CENPC: variants seen among roughly 807,000 people sequenced by gnomAD.
CENPC encodes CENP-C 1.
A neutral mutation model predicts 112.1 loss-of-function variants in CENPC; 63 were observed. That is an observed-to-expected ratio of 0.56 (90% CI 0.46 to 0.69). The LOEUF (loss-of-function observed/expected upper bound fraction) is 0.69, where lower values mean the gene tolerates loss of function less well. CENPC is among the 30% of genes least tolerant of loss of function. The pLI is 0.00. For missense variants in CENPC, 1,000 were observed against 1,103.8 expected, an observed-to-expected ratio of 0.91 and a Z score of 1.33; for synonymous variants, 333 against 367.6, an observed-to-expected ratio of 0.91 and a Z score of 1.08.
chr4:67,478,868 A>G (rs9993909), intron 17 of CENPC, among the ~76,000 whole-genome samples: 95,024 of 152,046 alleles, frequency 0.62, 29,932 homozygotes, highest in East Asian at 0.81. Context: ...AGGGTAAAGA[A>G]GTAGTAAAAG....
At position 67,545,343 on chromosome 4, in the gene CENPC, C is replaced by A. The variant is rs937199989; in HGVS notation, c.13G>T (p.Gly5Cys). Residue 5 changes from glycine (G) to cysteine (C), a missense_variant, in exon 1 of 19, where the codon GGT (glycine) becomes TGT (cysteine). Physicochemically the swap from Gly to Cys is radical, Grantham distance 159 (BLOSUM62 -3). Coordinates refer to ENST00000273853, the MANE Select transcript of CENPC (RefSeq NM_001812.4). ...AGCGGGGGGCCTGCACTTACCAGAC[C>A]GGACGCAGCCATGTTCCGGCCCCGC... Reference protein sequence around the residue: MAASGLDHLKNGYRR... With the variant: MAASCLDHLKNGYRR... 1 of 1,522,496 alleles carries A rather than the reference C, an allele frequency of 6.6e-7. No individual in the cohort carries two copies. Among genetic ancestry groups the A allele is most frequent in the South Asian group, 1.2e-5 (1 of 81,736 alleles). 94.3% of individuals were successfully genotyped at this position (1,522,496 alleles called of 1,614,324 possible).
At chr4:67,475,815 T>C (rs6823755) in intron 17 of CENPC, among the ~76,000 whole-genome samples, 94,974 of 151,966 alleles carry the variant, frequency 0.62, 29,911 homozygotes, top group East Asian at 0.81. Context: ...GGTCTCGATC[T>C]CCTGACCTGG....
At chr4:67,507,846 C>T (rs993908059) in intron 10 of CENPC, among the ~76,000 whole-genome samples, 2 of 151,964 alleles carry the variant, frequency 1.3e-5, no homozygotes, top group Non-Finnish European at 1.5e-5. Flanking sequence ...TCCAGCAACA[C>T]AATAAAATAA....
Position 67,470,220 on chromosome 4 carries a change from C to T in CENPC, c.*2385G>A, listed in dbSNP as rs142155721. The T allele has an allele frequency of 6.6e-5, 10 of 152,246 alleles. No homozygotes were observed. Among genetic ancestry groups the T allele is most frequent in the Admixed American group, 3.3e-4 (5 of 15,270 alleles). 9.4% of individuals were successfully genotyped at this position (152,246 alleles called of 1,614,324 possible). A position where few individuals can be genotyped will look rare whatever the true frequency, so the allele number is the denominator to read the frequency against. ...TGGCAAAAATCAGACGTGGCTCTGA[C>T]CAAGCAGAATGGAGAGCCTTTGCTG... On this transcript the variant is annotated 3_prime_UTR_variant, in exon 19 of 19. Transcript: ENST00000273853.
chr4:67,539,493 A>C (rs1726821386), intron 4 of CENPC, among the ~76,000 whole-genome samples: 1 of 152,182 alleles, frequency 6.6e-6, no homozygotes, highest in South Asian at 2.1e-4. Flanking sequence ...TCCCCGTATA[A>C]CAATGAAGTG....
At chr4:67,505,005 T>G (rs1725694788) in intron 12 of CENPC, 200 bp downstream of exon 12, 1 of 551,868 alleles carries the variant, frequency 1.8e-6, no homozygotes, top group Non-Finnish European at 3.2e-6. Flanking sequence ...TATTTCATTA[T>G]GTTCTACTTA....
chr4:67,491,549 G>C (rs568949302), intron 16 of CENPC, among the ~76,000 whole-genome samples: 17 of 120,706 alleles, frequency 1.4e-4, no homozygotes, highest in Non-Finnish European at 2.4e-4. Flanking sequence ...AAACAGTTGC[G>C]TAATCCATAA....
rs1464385934 is a variant in CENPC at position 67,518,302 on chromosome 4, C to G, written c.684G>C (p.Glu228Asp). 3 of 1,550,820 alleles carry G rather than the reference C, an allele frequency of 1.9e-6. No individual in the cohort carries two copies. The African/African-American group carries it at 4.1e-5, about 21-fold the overall frequency. Residue 228 changes from glutamate (E) to aspartate (D), a missense_variant, in exon 7 of 19, where the codon GAG becomes GAC. Coordinates refer to ENST00000273853, the MANE Select transcript of CENPC (RefSeq NM_001812.4). ...IEIDNKVSDE[E>D]DKTSEGQERK... ...TTTCTTGTCCTTCCGATGTTTTATC[C>G]TCTTCATCTGATACTTTATTATCTA...
intron 12 of CENPC, among the ~76,000 whole-genome samples, chr4:67,496,636 A>G (rs148037327): frequency 3.3e-5 from 5 of 152,326 alleles, no homozygotes; most frequent in Admixed American, 2.6e-4. Flanking sequence ...TTCAGTGATC[A>G]TAACATCTAA....
At chr4:67,502,398 TAAA>T (rs1560428251) in intron 12 of CENPC, among the ~76,000 whole-genome samples, 169 of 151,572 alleles carry the variant, frequency 1.1e-3, no homozygotes, top group African/African-American at 3.9e-3. Flanking sequence ...AATAAAAAGA[TAAA>T]GAAACAACAA....
rs1553893257 is a variant in CENPC at position 67,491,525 on chromosome 4, A to AGAGAGAGAGAGAGAGCGAGC, written c.2515+654_2515+655insGCTCGCTCTCTCTCTCTCTC. On this transcript the variant is annotated intron_variant, in intron 16 of 18. Transcript: ENST00000273853. ...GAGAGAGAGAGAGAGAGAGAGAGAG[A>AGAGAGAGAGAGAGAGCGAGC]GAGCCTGGTTGTTAAACAGTTGCGT... is the stretch of plus-strand genomic sequence containing the variant. Among the ~76,000 whole-genome samples the AGAGAGAGAGAGAGAGCGAGC allele has an allele frequency of 3.1e-5, 4 of 130,036 alleles. 1 individual carries two copies. The highest frequency in any genetic ancestry group is 8.6e-5 in the African/African-American group (3 of 34,734). The allele number at this position is 130,036 out of a possible 152,430, so 85.3% of individuals were successfully genotyped here. A position where few individuals can be genotyped will look rare whatever the true frequency, so the allele number is the denominator to read the frequency against.
intron 12 of CENPC, among the ~76,000 whole-genome samples, chr4:67,496,896 C>T (rs573894870): frequency 9.8e-4 from 142 of 145,140 alleles, no homozygotes; most frequent in African/African-American, 3.6e-3. Flanking sequence ...CACCCCCACC[C>T]CCACCCCCAA....
Position 67,474,788 on chromosome 4 carries a change from T to C in CENPC, c.2761+100A>G, listed in dbSNP as rs1457925412. 5.7e-6 allele frequency: 4 copies of C among 702,172 alleles called. No individual in the cohort carries two copies. In the East Asian group the frequency reaches 8.1e-5, roughly 14 times the overall value. The allele number at this position is 702,172 out of a possible 1,614,324, so 43.5% of individuals were successfully genotyped here. The stretch of plus-strand genomic sequence containing the variant: ...ATGTACCAAACTGTTCTGACATCCA[T>C]CAGTCATATCACACTTCATTTTGAC... On this transcript the variant is annotated intron_variant, in intron 18 of 18. Coordinates refer to ENST00000273853, the MANE Select transcript of CENPC (RefSeq NM_001812.4).
At position 67,492,181 on chromosome 4, in the gene CENPC, C is replaced by G; in HGVS notation, c.2514G>C (p.Met838Ile). 6.5e-7 allele frequency: 1 copy of G among 1,546,650 alleles called. No individual in the cohort carries two copies. Among genetic ancestry groups the G allele is most frequent in the East Asian group, 2.4e-5 (1 of 42,406 alleles). ...KDPETREIILMDLVRPQDTYQ... is the reference protein window; with the variant it reads ...KDPETREIILIDLVRPQDTYQ... Reference sequence around the variant, plus strand: ...TTTCAGTATCATGCCTGATCTTACCCATGAGAATAATCTCTCTTGTTTCTG... The same window carrying G: ...TTTCAGTATCATGCCTGATCTTACCGATGAGAATAATCTCTCTTGTTTCTG... The change falls in exon 16 of 19, where the codon ATG (methionine) becomes ATC (isoleucine). Residue 838 changes from methionine (M) to isoleucine (I), a missense_variant and splice_region_variant. Physicochemically the swap from Met to Ile is conservative, Grantham distance 10 (BLOSUM62 1). Coordinates refer to ENST00000273853, the MANE Select transcript of CENPC (RefSeq NM_001812.4).
rs187004054 is a variant in CENPC at position 67,528,907 on chromosome 4, G to A, written c.331+1908C>T. On this transcript the variant is annotated intron_variant, in intron 5 of 18. Coordinates refer to ENST00000273853, the MANE Select transcript of CENPC (RefSeq NM_001812.4). ...GAGCAACTATCAAATTGTTTTCTAT[G>A]GTGGCTGCACCATTTTACATTCCCA... is the stretch of plus-strand genomic sequence containing the variant. Among the ~76,000 whole-genome samples the A allele has an allele frequency of 1.7e-4, 26 of 152,142 alleles. No individual in the cohort carries two copies. The East Asian group carries it at 2.7e-3, about 16-fold the overall frequency.
chr4:67,526,459 A>G (rs1726383942), intron 5 of CENPC, among the ~76,000 whole-genome samples: 1 of 152,204 alleles, frequency 6.6e-6, no homozygotes, highest in African/African-American at 2.4e-5. Flanking sequence ...ACCAAAATTC[A>G]GTCACAATGA....
intron 7 of CENPC, among the ~76,000 whole-genome samples, chr4:67,517,081 TA>T (rs1369022737): frequency 2.0e-5 from 3 of 151,958 alleles, no homozygotes; most frequent in Non-Finnish European, 2.9e-5. Flanking sequence ...AATATACACA[TA>T]AAAATAATTA....
rs1428120996 is a variant in CENPC at position 67,471,313 on chromosome 4, A to T, written c.*1292T>A. 4 of 152,204 alleles carry T rather than the reference A, an allele frequency of 2.6e-5. No homozygotes were observed. Among genetic ancestry groups the T allele is most frequent in the African/African-American group, 7.2e-5 (3 of 41,446 alleles). 9.4% of individuals were successfully genotyped at this position (152,204 alleles called of 1,614,324 possible). A position where few individuals can be genotyped will look rare whatever the true frequency, so the allele number is the denominator to read the frequency against. On this transcript the variant is annotated 3_prime_UTR_variant, in exon 19 of 19. Transcript: ENST00000273853. Reference sequence around the variant, plus strand: ...CAGTCAAAATGCTAAATTTAAAACAATACAAATCCCTTAGATATAAAACAA... The same window carrying T: ...CAGTCAAAATGCTAAATTTAAAACATTACAAATCCCTTAGATATAAAACAA...
chr4:67,476,637 A>C (rs1278965332), intron 17 of CENPC, among the ~76,000 whole-genome samples: 1 of 152,186 alleles, frequency 6.6e-6, no homozygotes, highest in Non-Finnish European at 1.5e-5. Context: ...ACTTTAAATA[A>C]TTTTGATGAA....
Sources: allele counts gnomAD v4.1 joint callset (sites outside exome capture counted in the v4.1 genomes callset), GRCh38; gene constraint gnomAD v4.1.1; transcripts MANE v1.5; gene names NCBI Gene and HGNC (gene_info 2026-07-23, HGNC 2026-07-21).